PKD1L1: variants seen among roughly 807,000 people sequenced by gnomAD.
The protein encoded by PKD1L1 is polycystin 1 like 1, transient receptor potential channel interacting, also known as polycystin-1-like protein 1.
A neutral mutation model predicts 323.4 loss-of-function variants in PKD1L1; 236 were observed. That is an observed-to-expected ratio of 0.73 (90% CI 0.66 to 0.81). PKD1L1 has a LOEUF of 0.81. Among genes scored for constraint, PKD1L1 ranks in the 40% least tolerant of loss-of-function variants. The probability of loss-of-function intolerance (pLI) is 0.00; values close to 1 mark genes in which losing one functional copy is unlikely to be tolerated. For missense variants in PKD1L1, 3,320 were observed against 3,508.0 expected (o/e 0.95, Z 1.35); for synonymous variants, 1,344 against 1,335.0 (o/e 1.01, Z -0.15).
intron 55 of PKD1L1, among the ~76,000 whole-genome samples, chr7:47,794,469 C>T (rs1584946961): frequency 6.6e-6 from 1 of 152,302 alleles, no homozygotes; most frequent in East Asian, 1.9e-4. Flanking sequence ...CCTATGGGTG[C>T]ACAGAAGTCA....
At chr7:47,907,928 G>A (rs1215905571) in intron 9 of PKD1L1, 149 bp downstream of exon 9, 2 of 730,758 alleles carry the variant, frequency 2.7e-6, no homozygotes, top group Non-Finnish European at 4.2e-6. Context: ...TATTCTGCAA[G>A]ACATATTTTC....
rs199720987 is a variant in PKD1L1 at position 47,931,263 on chromosome 7, C to T, written c.578G>A (p.Cys193Tyr). 54 of 1,614,250 alleles carry T rather than the reference C, an allele frequency of 3.3e-5. No individual in the cohort carries two copies. In the Middle Eastern group the frequency reaches 2.6e-3, roughly 79 times the overall value. Residue 193 changes from cysteine (C) to tyrosine (Y), a missense_variant, in exon 6 of 57, where the codon TGT becomes TAT. Cys to Tyr is a radical substitution (Grantham distance 194). Transcript: ENST00000289672. ...CGCACAGCACAGCAGTCTCAGGACA[C>T]AGCAGGAAGCCTCCATCTTCAGGCT... is the stretch of plus-strand genomic sequence containing the variant. Reference protein sequence around the residue: ...PCSLKMEASCCVLRLLCCAED... With the variant: ...PCSLKMEASCYVLRLLCCAED...
At chr7:47,791,533 G>A (rs1185370156) in intron 56 of PKD1L1, among the ~76,000 whole-genome samples, 1 of 150,212 alleles carries the variant, frequency 6.7e-6, no homozygotes, top group African/African-American at 2.5e-5. Flanking sequence ...ACCTGTTGAT[G>A]GCAATTGTTT....
chr7:47,938,746 G>A (rs1370771035), intron 3 of PKD1L1, among the ~76,000 whole-genome samples: 1 of 152,116 alleles, frequency 6.6e-6, no homozygotes, highest in Non-Finnish European at 1.5e-5. Flanking sequence ...AATCCTAAAG[G>A]CATCGATCTA....
rs369710805 is a variant in PKD1L1 at position 47,808,460 on chromosome 7, G to A, written c.7687-73C>T. On this transcript the variant is annotated intron_variant, in intron 51 of 56. Coordinates refer to ENST00000289672, the MANE Select transcript of PKD1L1 (RefSeq NM_138295.5). ...TTACCTGGCACCCCATGTGACACGC[G>A]TTTGTAAGTTACAGTCATGAGTCAC... 2.7e-5 allele frequency: 42 copies of A among 1,565,312 alleles called. No homozygotes were observed. In the Admixed American group the frequency reaches 4.0e-4, roughly 15 times the overall value.
At chr7:47,933,183 C>G (rs890758404) in intron 4 of PKD1L1, among the ~76,000 whole-genome samples, 3 of 152,066 alleles carry the variant, frequency 2.0e-5, no homozygotes, top group Admixed American at 2.0e-4. Flanking sequence ...TAAACAATGA[C>G]CTCTTGAAGC....
At chr7:47,857,374 C>T (rs1785928229) in intron 28 of PKD1L1, among the ~76,000 whole-genome samples, 4 of 152,148 alleles carry the variant, frequency 2.6e-5, no homozygotes, top group Admixed American at 6.5e-5. Flanking sequence ...CCCAGTGTCC[C>T]AGATACAAGT....
At chr7:47,879,851 TGAACCTGG>T (rs1786496687) in intron 21 of PKD1L1, among the ~76,000 whole-genome samples, 1 of 127,600 alleles carries the variant, frequency 7.8e-6, no homozygotes. Flanking sequence ...GAGAATGGCG[TGAACCTGG>T]GAGGCAGAGC....
rs776813750 is a variant in PKD1L1 at position 47,834,998 on chromosome 7, A to C, written c.6096T>G (p.Leu2032=). The C allele has an allele frequency of 1.9e-6, 3 of 1,613,794 alleles. No individual in the cohort carries two copies. The highest frequency in any genetic ancestry group is 2.5e-6 in the Non-Finnish European group (3 of 1,179,868). Residue 2032 remains leucine (L), a synonymous_variant, in exon 39 of 57, where the codon CTT becomes CTG. Coordinates refer to ENST00000289672, the MANE Select transcript of PKD1L1 (RefSeq NM_138295.5). ...GSARVEPHSP[L]RGGAQTEAPH... is the part of the protein sequence containing the mutation. ...GTGCCTCGGTCTGTGCTCCTCCTCT[A>C]AGTGGGCTGTGTGGCTCCACTCGGG... is the stretch of plus-strand genomic sequence containing the variant.
chr7:47,809,184 T>A (rs567423324), intron 51 of PKD1L1: 4 of 233,458 alleles, frequency 1.7e-5, no homozygotes, highest in Non-Finnish European at 2.5e-5. Context: ...TAGGCCTACA[T>A]ACAAGGTCAG....
chr7:47,929,066 C>G (rs1171410741), intron 7 of PKD1L1, 138 bp downstream of exon 7: 52 of 857,164 alleles, frequency 6.1e-5, no homozygotes, highest in Non-Finnish European at 1.3e-5. Flanking sequence ...CACTGAGCTA[C>G]TATTCTTGGA....
chr7:47,807,717 T>G (rs1024267412), intron 52 of PKD1L1, among the ~76,000 whole-genome samples: 1 of 152,126 alleles, frequency 6.6e-6, no homozygotes, highest in African/African-American at 2.4e-5. Context: ...CTGGTCCTCC[T>G]GGTAGGAGCC....
At chr7:47,936,775 C>A in intron 4 of PKD1L1, 71 bp downstream of exon 4, 1 of 1,211,316 alleles carries the variant, frequency 8.3e-7, no homozygotes, top group South Asian at 1.3e-5. Flanking sequence ...CACATCTGAG[C>A]AATTCTTTGT....
Position 47,837,012 on chromosome 7 carries a change from T to C in PKD1L1, c.5852A>G (p.Tyr1951Cys). ...SVYSRPSSSR[Y>C]LHTPRLTVSF... ...CACGGTGAGGCGCGGCGTGTGCAGGTAGCGGCTGGAGGAGGGCCTGCTGTA... is the reference window on the plus strand; with the variant it reads ...CACGGTGAGGCGCGGCGTGTGCAGGCAGCGGCTGGAGGAGGGCCTGCTGTA... The change falls in exon 37 of 57, where the codon TAC becomes TGC. Residue 1951 changes from tyrosine to cysteine, a missense_variant. Physicochemically the swap from Tyr to Cys is radical, Grantham distance 194 (BLOSUM62 -2). Transcript: ENST00000289672. 2 of 1,614,080 alleles carry C rather than the reference T, an allele frequency of 1.2e-6. No homozygotes were observed. The highest frequency in any genetic ancestry group is 1.7e-6 in the Non-Finnish European group (2 of 1,180,018).
At chr7:47,851,545 T>C (rs990548880) in intron 31 of PKD1L1, among the ~76,000 whole-genome samples, 3 of 152,148 alleles carry the variant, frequency 2.0e-5, no homozygotes, top group Admixed American at 2.0e-4. Context: ...ATCACCGTTT[T>C]GTAGCCTTCT....
chr7:47,880,823 C>A lies in PKD1L1; in HGVS notation c.3443-18G>T, dbSNP rs1218853522. On this transcript the variant is annotated intron_variant, in intron 20 of 56. Coordinates refer to ENST00000289672, the MANE Select transcript of PKD1L1 (RefSeq NM_138295.5). Reference sequence around the variant, plus strand: ...TGTAATACCTGCAGAAAAGACATGGCTGCATGGAAATGACAGTCAGTGGTC... The same window carrying A: ...TGTAATACCTGCAGAAAAGACATGGATGCATGGAAATGACAGTCAGTGGTC... 6.3e-7 allele frequency: 1 copy of A among 1,585,506 alleles called. No individual in the cohort carries two copies. Among genetic ancestry groups the A allele is most frequent in the East Asian group, 2.3e-5 (1 of 43,256 alleles).
At chr7:47,957,979 G>A in the PKD1L1 span, among the ~76,000 whole-genome samples, 2 of 151,568 alleles carry the variant, frequency 1.3e-5, no homozygotes, top group African/African-American at 4.8e-5. Context: ...GTTATCCTGT[G>A]TTCATGGATT....
chr7:47,922,722 C>T (rs1195889328), intron 7 of PKD1L1, among the ~76,000 whole-genome samples: 1 of 136,518 alleles, frequency 7.3e-6, no homozygotes, highest in African/African-American at 3.7e-5. Flanking sequence ...CGGCAGCCGC[C>T]CCGTCCGGCC....
intron 8 of PKD1L1, among the ~76,000 whole-genome samples, chr7:47,914,708 CTT>C (rs1787391542): frequency 6.6e-6 from 1 of 152,132 alleles, no homozygotes; most frequent in East Asian, 1.9e-4. Flanking sequence ...ATCTGTTTTC[CTT>C]TCTCTCCCCT....
Sources: allele counts gnomAD v4.1 joint callset (sites outside exome capture counted in the v4.1 genomes callset), GRCh38; gene constraint gnomAD v4.1.1; transcripts MANE v1.5; gene names NCBI Gene and HGNC (gene_info 2026-07-23, HGNC 2026-07-21).